The following SNAPC1 variants were observed in gnomAD, a reference collection of about 807,000 sequenced individuals.
SNAPC1 encodes snRNA-activating protein complex subunit 1.
A neutral mutation model predicts 50.1 loss-of-function variants in SNAPC1; 42 were observed. The ratio of observed to expected loss-of-function variants is 0.84; its 90% CI spans 0.65 to 1.08. The LOEUF is 1.08. Ranked by LOEUF, SNAPC1 falls within the 50% of genes least tolerant of loss-of-function variation. The pLI is 0.00. For synonymous variants in SNAPC1, 164 were observed against 144.2 expected, an observed-to-expected ratio of 1.14 and a Z score of -0.98; for missense variants, 477 against 427.3, an observed-to-expected ratio of 1.12 and a Z score of -1.02.
rs188077071 is a variant in SNAPC1, at chr14:61,782,185, C to T, written c.826-62C>T. Reference sequence around the variant, plus strand: ...CTTTGATTGTACATTTTGTCTTCCTCTCAATTTTATCATTTGGATTCATTT... The same window carrying T: ...CTTTGATTGTACATTTTGTCTTCCTTTCAATTTTATCATTTGGATTCATTT... On this transcript the variant is annotated intron_variant, in intron 7 of 9. Transcript: ENST00000216294. The T allele has an allele frequency of 4.9e-4, 618 of 1,248,830 alleles. 1 individual carries two copies. In the African/African-American group the frequency reaches 7.9e-3, roughly 16 times the overall value. The allele number at this position is 1,248,830 out of a possible 1,614,324, so 77.4% of individuals were successfully genotyped here. A position where few individuals can be genotyped will look rare whatever the true frequency, so the allele number is the denominator to read the frequency against.
chr14:61,763,976 C>G (rs1160232770), intron 1 of SNAPC1, among the ~76,000 whole-genome samples: 1 of 151,968 alleles, frequency 6.6e-6, no homozygotes, highest in Admixed American at 6.6e-5. Context: ...GCTCTGTCAC[C>G]CAGGCTGGAG....
At chr14:61,765,659 G>C (rs1449871893) in intron 1 of SNAPC1, among the ~76,000 whole-genome samples, 1 of 152,144 alleles carries the variant, frequency 6.6e-6, no homozygotes, top group Non-Finnish European at 1.5e-5. Flanking sequence ...GAATAGAATG[G>C]GAGAGGTTTG....
At position 61,770,915 on chromosome 14, in the gene SNAPC1, G is replaced by A. The variant is rs572246934; in HGVS notation, c.534+2175G>A. ...CACCACCACACTCGGCTAATTTTTT[G>A]TATTTTAGTAGAGATGGGGTTTCAC... On this transcript the variant is annotated intron_variant, in intron 4 of 9. Transcript: ENST00000216294. 8.9e-4 allele frequency among the ~76,000 whole-genome samples: 136 copies of A among 152,032 alleles called. 1 individual carries two copies. Among genetic ancestry groups the A allele is most frequent in the African/African-American group, 3.1e-3 (130 of 41,472 alleles).
chr14:61,774,005 G>A (rs751776987), intron 4 of SNAPC1, among the ~76,000 whole-genome samples: 30 of 152,144 alleles, frequency 2.0e-4, no homozygotes, highest in South Asian at 4.2e-4. Context: ...CATCGTGCAC[G>A]GCCCCCAGTT....
chr14:61,794,436 C>T lies in SNAPC1; in HGVS notation c.1073-513C>T, dbSNP rs532021866. The stretch of plus-strand genomic sequence containing the variant: ...GTTTGTTTGTTTTGAGATGGAGTCT[C>T]GCTCTGTCGTCCAGGCTGGAGTGCA... On this transcript the variant is annotated intron_variant, in intron 9 of 9. Transcript: ENST00000216294. Among the ~76,000 whole-genome samples, 11 of 152,082 alleles carry T rather than the reference C, an allele frequency of 7.2e-5. No homozygotes were observed. In the South Asian group the frequency reaches 1.0e-3, roughly 14 times the overall value.
intron 8 of SNAPC1, among the ~76,000 whole-genome samples, chr14:61,782,891 G>C (rs1030247216): frequency 6.6e-6 from 1 of 151,860 alleles, no homozygotes; most frequent in Non-Finnish European, 1.5e-5. Context: ...AGGTGACAGA[G>C]CAAGACTCTC....
chr14:61,793,124 A>C (rs960321594), intron 9 of SNAPC1, among the ~76,000 whole-genome samples: 3 of 152,244 alleles, frequency 2.0e-5, no homozygotes, highest in African/African-American at 7.2e-5. Flanking sequence ...TAGGTATCCT[A>C]TCAGTTTCAT....
chr14:61,781,747 A>C (rs1203346060), intron 7 of SNAPC1, among the ~76,000 whole-genome samples: 1 of 152,190 alleles, frequency 6.6e-6, no homozygotes, highest in Non-Finnish European at 1.5e-5. Flanking sequence ...ATAGTTAGAC[A>C]ATTCCAAAAT....
At chr14:61,792,946 T>A in intron 9 of SNAPC1, 44 bp downstream of exon 9, 5 of 947,378 alleles carry the variant, frequency 5.3e-6, no homozygotes, top group Non-Finnish European at 8.4e-6. Context: ...AACTAACTTA[T>A]ACTCGTAGAG....
chr14:61,763,907 A>G (rs892615933), intron 1 of SNAPC1, among the ~76,000 whole-genome samples: 1 of 152,148 alleles, frequency 6.6e-6, no homozygotes, highest in African/African-American at 2.4e-5. Context: ...TCAGAAATAC[A>G]TTCTAAGTGC....
chr14:61,787,389 TA>T (rs2045122043), intron 8 of SNAPC1, among the ~76,000 whole-genome samples: 2 of 72,004 alleles, frequency 2.8e-5, no homozygotes, highest in Non-Finnish European at 5.4e-5. Context: ...TCTGGTAGAT[TA>T]AAATGTTTTT....
At chr14:61,766,822 G>C (rs2044951408) in intron 1 of SNAPC1, 54 bp from the exon 2 acceptor site, 4 of 1,164,606 alleles carry the variant, frequency 3.4e-6, no homozygotes, top group Non-Finnish European at 5.1e-6. Flanking sequence ...TTTGGCTTTT[G>C]TTCATTACTT....
intron 8 of SNAPC1, among the ~76,000 whole-genome samples, chr14:61,784,025 A>G (rs1236042522): frequency 6.6e-6 from 1 of 152,188 alleles, no homozygotes; most frequent in African/African-American, 2.4e-5. Flanking sequence ...ACAGCCTTTT[A>G]GCATTTTTTC....
intron 8 of SNAPC1, among the ~76,000 whole-genome samples, chr14:61,790,046 G>C (rs1323889580): frequency 2.6e-5 from 4 of 152,136 alleles, no homozygotes; most frequent in Admixed American, 2.6e-4. Flanking sequence ...AGACAAGAAT[G>C]CTTAATGTCT....
chr14:61,783,988 A>G (rs1178333326), intron 8 of SNAPC1, among the ~76,000 whole-genome samples: 1 of 152,178 alleles, frequency 6.6e-6, no homozygotes, highest in Admixed American at 6.5e-5. Flanking sequence ...ACTCTCAACT[A>G]CTGCAGGTAT....
intron 4 of SNAPC1, among the ~76,000 whole-genome samples, chr14:61,774,678 T>G (rs76123567): frequency 7.0e-4 from 90 of 129,258 alleles, no homozygotes; most frequent in African/African-American, 2.6e-3. Flanking sequence ...TTTTTTTTTT[T>G]GAGAGGCAGA....
Position 61,762,469 on chromosome 14 carries a change from T to C in SNAPC1, c.9T>C (p.Thr3=). 6.2e-7 allele frequency: 1 copy of C among 1,613,462 alleles called. No homozygotes were observed. Among genetic ancestry groups the C allele is most frequent in the Non-Finnish European group, 8.5e-7 (1 of 1,179,924 alleles). Residue 3 remains threonine (T), a synonymous_variant, in exon 1 of 10, where the codon ACT becomes ACC. Coordinates refer to ENST00000216294, the MANE Select transcript of SNAPC1 (RefSeq NM_003082.4). MG[T]PPGLQTDCEA... ...TGCGGGCTTCGGGTGCCATGGGGAC[T>C]CCTCCCGGCCTGCAGACCGACTGCG...
chr14:61,783,604 C>T (rs141682653), intron 8 of SNAPC1, among the ~76,000 whole-genome samples: 14,197 of 139,538 alleles, frequency 0.1, 963 homozygotes, highest in South Asian at 0.26. Context: ...GGCGCGATCT[C>T]GGCTCACTGC....
intron 5 of SNAPC1, among the ~76,000 whole-genome samples, chr14:61,777,844 A>G (rs2045046088): frequency 6.6e-6 from 1 of 152,178 alleles, no homozygotes; most frequent in Non-Finnish European, 1.5e-5. Context: ...ACTACCACAT[A>G]AAGACTACCA....
Sources: allele counts gnomAD v4.1 joint callset (sites outside exome capture counted in the v4.1 genomes callset), GRCh38; gene constraint gnomAD v4.1.1; transcripts MANE v1.5; gene names NCBI Gene and HGNC (gene_info 2026-07-23, HGNC 2026-07-21).